Variants in RPRD1B observed in about 807,000 individuals in gnomAD.
RPRD1B encodes regulation of nuclear pre-mRNA domain containing 1B.
A neutral mutation model predicts 41.5 loss-of-function variants in RPRD1B; 11 were observed. That is an observed-to-expected ratio of 0.27 (90% CI 0.17 to 0.44). The LOEUF is 0.44. Among genes scored for constraint, RPRD1B ranks in the 20% least tolerant of loss-of-function variants. The pLI is 1.00. For missense variants in RPRD1B, 248 were observed against 389.9 expected, an observed-to-expected ratio of 0.64 and a Z score of 3.06; for synonymous variants, 158 against 155.6, an observed-to-expected ratio of 1.02 and a Z score of -0.12.
chr20:38,065,921 G>C (rs2295351), intron 5 of RPRD1B, 160 bp from the exon 6 acceptor site: 117,618 of 644,212 alleles, frequency 0.18, 11,895 homozygotes, highest in African/African-American at 0.32. Context: ...AATGCCTTTG[G>C]ATTTCTTGCT....
At chr20:38,084,596 G>A (rs374766878) in intron 6 of RPRD1B, among the ~76,000 whole-genome samples, 1 of 152,128 alleles carries the variant, frequency 6.6e-6, no homozygotes, top group African/African-American at 2.4e-5. Flanking sequence ...GTCAGGTCTG[G>A]CTTACTTCTC....
At chr20:38,038,513 T>C (rs1297857464) in intron 1 of RPRD1B, among the ~76,000 whole-genome samples, 4 of 145,692 alleles carry the variant, frequency 2.7e-5, no homozygotes, top group South Asian at 4.5e-4. Context: ...TTTTTTTTTT[T>C]TGAGACAGAG....
In RPRD1B at chr20:38,034,058, G is replaced by A; in HGVS notation, c.111G>A (p.Ala37=). The change falls in exon 1 of 7, where the codon GCG becomes GCA. Residue 37 remains alanine, a synonymous_variant. Coordinates refer to ENST00000373433, the MANE Select transcript of RPRD1B (RefSeq NM_021215.4). ...SLWLIHHRKH[A]GPIVSVWHRE... ...GGCTCATCCACCACCGCAAGCACGCGGGACCCATCGTCTCCGTGTGGCACC... is the reference window on the plus strand; with the variant it reads ...GGCTCATCCACCACCGCAAGCACGCAGGACCCATCGTCTCCGTGTGGCACC... 6.2e-7 allele frequency: 1 copy of A among 1,614,128 alleles called. No homozygotes were observed. The highest frequency in any genetic ancestry group is 8.5e-7 in the Non-Finnish European group (1 of 1,180,000).
In RPRD1B at chr20:38,077,412, T is replaced by TA. The variant is rs541157421; in HGVS notation, c.831+11156_831+11157insA. On this transcript the variant is annotated intron_variant, in intron 6 of 6. Transcript: ENST00000373433. ...CTTCTCACCTCTCCTTTCCTTCTCT[T>TA]TCCTTGGCTTGGAGAGTGGCAGTGC... 9.2e-5 allele frequency among the ~76,000 whole-genome samples: 14 copies of TA among 152,298 alleles called. No individual in the cohort carries two copies. The East Asian group carries it at 2.7e-3, about 29-fold the overall frequency.
rs199674766 is a variant in RPRD1B at position 38,090,725 on chromosome 20, C to T, written c.*850C>T. The T allele has an allele frequency of 1.0e-5, 10 of 985,494 alleles. No individual in the cohort carries two copies. In the East Asian group the frequency reaches 1.0e-3, roughly 101 times the overall value. The allele number at this position is 985,494 out of a possible 1,614,324, so 61.0% of individuals were successfully genotyped here. On this transcript the variant is annotated 3_prime_UTR_variant, in exon 7 of 7. Transcript: ENST00000373433. ...ATTGGTGGGCTCCAAAAGATGAAGGCCCCACACACAGGTGTGCTGCATTTG... is the reference window on the plus strand; with the variant it reads ...ATTGGTGGGCTCCAAAAGATGAAGGTCCCACACACAGGTGTGCTGCATTTG...
At chr20:38,049,679 T>G in intron 3 of RPRD1B, 1 of 470,278 alleles carries the variant, frequency 2.1e-6, no homozygotes, top group Non-Finnish European at 4.4e-6. Flanking sequence ...ATTTTTTTCT[T>G]TAAAGAGTAA....
chr20:38,047,124 C>T (rs1330459227), intron 2 of RPRD1B, among the ~76,000 whole-genome samples: 2 of 152,112 alleles, frequency 1.3e-5, no homozygotes, highest in Admixed American at 6.5e-5. Flanking sequence ...TGTTTTATCA[C>T]AAATACCAAG....
chr20:38,056,121 T>G (rs2074237971), intron 3 of RPRD1B, among the ~76,000 whole-genome samples: 1 of 152,170 alleles, frequency 6.6e-6, no homozygotes, highest in Non-Finnish European at 1.5e-5. Flanking sequence ...GCGTGATGGC[T>G]CACACCTGTA....
chr20:38,034,181 C>T (rs2073966934), intron 1 of RPRD1B, 83 bp downstream of exon 1: 16 of 1,423,214 alleles, frequency 1.1e-5, no homozygotes, highest in Non-Finnish European at 1.5e-5. Flanking sequence ...TAAGCCTCTT[C>T]ATTGAGCCTT....
intron 3 of RPRD1B, among the ~76,000 whole-genome samples, chr20:38,055,468 C>G (rs192276206): frequency 6.7e-6 from 1 of 149,892 alleles, no homozygotes; most frequent in Non-Finnish European, 1.5e-5. Flanking sequence ...TTTTTGTTAG[C>G]GTCTCTTCCT....
chr20:38,081,063 T>C (rs971972480), intron 6 of RPRD1B, among the ~76,000 whole-genome samples: 1 of 151,622 alleles, frequency 6.6e-6, no homozygotes, highest in African/African-American at 2.4e-5. Context: ...TGTTAGTAGA[T>C]GCTGTGCATG....
intron 2 of RPRD1B, among the ~76,000 whole-genome samples, chr20:38,040,864 C>A (rs1306927974): frequency 3.9e-5 from 6 of 152,168 alleles, no homozygotes; most frequent in Admixed American, 3.9e-4. Flanking sequence ...GTTGTCTCAT[C>A]AGCTTATGAT....
chr20:38,038,509 T>G (rs2074029614), intron 1 of RPRD1B, among the ~76,000 whole-genome samples: 1 of 144,446 alleles, frequency 6.9e-6, no homozygotes, highest in Non-Finnish European at 1.5e-5. Flanking sequence ...TTTTTTTTTT[T>G]TTTTTGAGAC....
intron 5 of RPRD1B, among the ~76,000 whole-genome samples, chr20:38,060,826 C>T (rs1291212893): frequency 6.6e-6 from 1 of 152,112 alleles, no homozygotes; most frequent in Non-Finnish European, 1.5e-5. Context: ...TCATTTTCTT[C>T]TTTATTCAGA....
At chr20:38,059,588 C>T in intron 5 of RPRD1B, 68 bp downstream of exon 5, 1 of 1,495,706 alleles carries the variant, frequency 6.7e-7, no homozygotes, top group Non-Finnish European at 9.1e-7. Context: ...TAACCCTAGG[C>T]CATACTTAAC....
chr20:38,053,427 G>A (rs561334108), intron 3 of RPRD1B, among the ~76,000 whole-genome samples: 1 of 152,128 alleles, frequency 6.6e-6, no homozygotes, highest in South Asian at 2.1e-4. Context: ...TTCAAACTCC[G>A]ACCTGTCACC....
At chr20:38,045,036 C>T (rs897331484) in intron 2 of RPRD1B, among the ~76,000 whole-genome samples, 18 of 152,146 alleles carry the variant, frequency 1.2e-4, no homozygotes, top group Non-Finnish European at 2.2e-4. Flanking sequence ...CCAGCTGACA[C>T]GTCAAGCAGC....
chr20:38,034,101 A>G lies in RPRD1B; in HGVS notation c.151+3A>G. 1 of 1,612,566 alleles carries G rather than the reference A, an allele frequency of 6.2e-7. No individual in the cohort carries two copies. The highest frequency in any genetic ancestry group is 1.1e-5 in the South Asian group (1 of 90,928). On this transcript the variant is annotated splice_donor_region_variant and intron_variant, in intron 1 of 6. Coordinates refer to ENST00000373433, the MANE Select transcript of RPRD1B (RefSeq NM_021215.4). ...GTGGCACCGCGAGCTCCGCAAAGGT[A>G]AACACCAAATCCCCACCCCCTGGAC...
At chr20:38,081,964 A>C (rs1183382551) in intron 6 of RPRD1B, among the ~76,000 whole-genome samples, 1 of 152,080 alleles carries the variant, frequency 6.6e-6, no homozygotes, top group Non-Finnish European at 1.5e-5. Context: ...GTGTGCTAGT[A>C]TTTCATTTAT....
Sources: allele counts gnomAD v4.1 joint callset (sites outside exome capture counted in the v4.1 genomes callset), GRCh38; gene constraint gnomAD v4.1.1; transcripts MANE v1.5; gene names NCBI Gene and HGNC (gene_info 2026-07-23, HGNC 2026-07-21).